WNT7A: variants seen among roughly 807,000 people sequenced by gnomAD.
WNT7A encodes Wnt family member 7A.
In WNT7A, 16 loss-of-function variants were observed where a neutral mutation model predicts 28.2. The observed-to-expected ratio is 0.57, with a 90% CI of 0.38 to 0.86. WNT7A has a LOEUF of 0.86. WNT7A is among the 40% of genes least tolerant of loss of function. The probability of loss-of-function intolerance (pLI) is 0.00; values close to 1 mark genes in which losing one functional copy is unlikely to be tolerated. For missense variants in WNT7A, 411 were observed against 489.7 expected (o/e 0.84, Z 1.52); for synonymous variants, 190 against 195.9 (o/e 0.97, Z 0.25).
chr3:13,853,959 G>T (rs1694683134), intron 3 of WNT7A, among the ~76,000 whole-genome samples: 1 of 152,136 alleles, frequency 6.6e-6, no homozygotes, highest in Non-Finnish European at 1.5e-5. Context: ...GGAGGGAGCA[G>T]CTGGGACCAC....
At chr3:13,838,387 G>A (rs895506817) in intron 3 of WNT7A, among the ~76,000 whole-genome samples, 103 of 152,298 alleles carry the variant, frequency 6.8e-4, no homozygotes, top group African/African-American at 2.4e-3. Context: ...CACGGTGTGC[G>A]GAAGGAACTG....
chr3:13,842,348 G>A (rs1292261904), intron 3 of WNT7A, among the ~76,000 whole-genome samples: 2 of 152,126 alleles, frequency 1.3e-5, no homozygotes, highest in African/African-American at 4.8e-5. Flanking sequence ...GCTACTGCAG[G>A]GAAGAGATAC....
intron 2 of WNT7A, among the ~76,000 whole-genome samples, chr3:13,870,124 A>G (rs1559307859): frequency 1.3e-5 from 2 of 152,056 alleles, no homozygotes; most frequent in Non-Finnish European, 1.5e-5. Flanking sequence ...CTTCTCCCTA[A>G]AGCCTGAACC....
chr3:13,871,260 C>A (rs1203524441), intron 2 of WNT7A, among the ~76,000 whole-genome samples: 3 of 152,230 alleles, frequency 2.0e-5, no homozygotes, highest in African/African-American at 7.2e-5. Context: ...ATTTTTACCC[C>A]TGCAAGACAG....
chr3:13,839,924 G>A (rs1694429689), intron 3 of WNT7A, among the ~76,000 whole-genome samples: 1 of 152,220 alleles, frequency 6.6e-6, no homozygotes, highest in Admixed American at 6.5e-5. Flanking sequence ...GAACCAGCAA[G>A]CAGGGGTGCA....
chr3:13,829,365 C>T (rs1046010853), intron 3 of WNT7A, among the ~76,000 whole-genome samples: 13 of 152,232 alleles, frequency 8.5e-5, no homozygotes, highest in African/African-American at 2.4e-4. Context: ...ATTTGTTCCT[C>T]GTTGTAAAGT....
At chr3:13,867,584 A>G (rs1295358401) in intron 2 of WNT7A, among the ~76,000 whole-genome samples, 1 of 152,166 alleles carries the variant, frequency 6.6e-6, no homozygotes, top group African/African-American at 2.4e-5. Context: ...CTCCTGGTCC[A>G]CACTGATCCT....
At chr3:13,875,723 A>G (rs1160521159) in intron 1 of WNT7A, among the ~76,000 whole-genome samples, 2 of 152,234 alleles carry the variant, frequency 1.3e-5, no homozygotes, top group Non-Finnish European at 2.9e-5. Context: ...TGTTGGAAAA[A>G]AAACTTAAAA....
At chr3:13,832,128 C>T (rs912193401) in intron 3 of WNT7A, among the ~76,000 whole-genome samples, 2 of 151,422 alleles carry the variant, frequency 1.3e-5, no homozygotes, top group Non-Finnish European at 3.0e-5. Context: ...CCTCCTCCCC[C>T]TCTTCCTCCT....
chr3:13,827,496 G>T (rs1694212923), intron 3 of WNT7A, among the ~76,000 whole-genome samples: 2 of 152,186 alleles, frequency 1.3e-5, no homozygotes, highest in African/African-American at 4.8e-5. Context: ...GGGTTCTCAG[G>T]CCTGGGAGGG....
Position 13,819,409 on chromosome 3 carries a change from G to T in WNT7A, c.585C>A (p.Asn195Lys), listed in dbSNP as rs573071103. The change falls in exon 4 of 4, where the codon AAC (asparagine) becomes AAA (lysine). Residue 195 changes from asparagine to lysine, a missense_variant. Coordinates refer to ENST00000285018, the MANE Select transcript of WNT7A (RefSeq NM_004625.4). ...NEAGRKILEE[N>K]MKLECKCHGV... ...CGTGGCACTTACATTCCAGCTTCAT[G>T]TTCTCCTCCAGGATCTGCAGGGGAG... 1 of 1,613,316 alleles carries T rather than the reference G, an allele frequency of 6.2e-7. No individual in the cohort carries two copies. The highest frequency in any genetic ancestry group is 2.2e-5 in the East Asian group (1 of 44,880).
rs1238755980 is a variant in WNT7A, at chr3:13,879,879, G to GGGGCAATCAACATAGCCCGCCC, written c.-85_-64dup. ...GCTGATCCCGCGGGCCGGCCCCGGC[G>GGGGCAATCAACATAGCCCGCCC]GGGCAATCAACATAGCCCGCCCGGG... On this transcript the variant is annotated 5_prime_UTR_variant, in exon 1 of 4. It adds an upstream start codon to the 5' untranslated region. Transcript: ENST00000285018. 1.6e-5 allele frequency: 23 copies of GGGGCAATCAACATAGCCCGCCC among 1,438,790 alleles called. No individual in the cohort carries two copies. Among genetic ancestry groups the GGGGCAATCAACATAGCCCGCCC allele is most frequent in the Non-Finnish European group, 2.1e-5 (23 of 1,083,582 alleles). 89.1% of individuals were successfully genotyped at this position (1,438,790 alleles called of 1,614,324 possible). A position where few individuals can be genotyped will look rare whatever the true frequency, so the allele number is the denominator to read the frequency against.
intron 3 of WNT7A, among the ~76,000 whole-genome samples, chr3:13,847,826 G>T (rs1694565179): frequency 6.6e-6 from 1 of 152,128 alleles, no homozygotes; most frequent in South Asian, 2.1e-4. Context: ...GACATGGGAG[G>T]TGGTTGTTTA....
intron 3 of WNT7A, among the ~76,000 whole-genome samples, chr3:13,832,106 G>A (rs987772323): frequency 9.9e-5 from 15 of 151,072 alleles, no homozygotes; most frequent in Non-Finnish European, 1.6e-4. Flanking sequence ...TGCTCCTGAT[G>A]ATATTCCTCC....
At chr3:13,848,775 A>G (rs1694579451) in intron 3 of WNT7A, among the ~76,000 whole-genome samples, 1 of 151,538 alleles carries the variant, frequency 6.6e-6, no homozygotes, top group Non-Finnish European at 1.5e-5. Flanking sequence ...TCACACACAC[A>G]AAAAAAAAAC....
chr3:13,850,164 C>T (rs1020665709), intron 3 of WNT7A, among the ~76,000 whole-genome samples: 1 of 152,128 alleles, frequency 6.6e-6, no homozygotes, highest in African/African-American at 2.4e-5. Flanking sequence ...GAATGGAGGG[C>T]ACGGCAGACT....
At chr3:13,872,693 C>G (rs1267275527) in intron 2 of WNT7A, among the ~76,000 whole-genome samples, 1 of 152,186 alleles carries the variant, frequency 6.6e-6, no homozygotes, top group Non-Finnish European at 1.5e-5. Context: ...CCTCCTCAGC[C>G]TCTCTTCTAC....
chr3:13,856,890 GAAAAAGAAGAAGAAGAAGAA>G (rs1694742337), intron 2 of WNT7A, among the ~76,000 whole-genome samples: 7 of 69,156 alleles, frequency 1.0e-4, no homozygotes, highest in African/African-American at 5.5e-4. Context: ...GGAAGAAGAA[GAAAAAGAAGAAGAAGAAGAA>G]GAAGAAGAAG....
chr3:13,838,729 C>G (rs1002494675), intron 3 of WNT7A, among the ~76,000 whole-genome samples: 34 of 152,150 alleles, frequency 2.2e-4, no homozygotes, highest in African/African-American at 8.0e-4. Context: ...CTGGGTCTCC[C>G]CAGCTAGTCT....
Sources: gnomAD v4.1 joint callset for allele counts (sites outside exome capture counted in the v4.1 genomes callset) on GRCh38, gnomAD v4.1.1 for gene constraint, MANE v1.5 for transcripts, NCBI Gene and HGNC (gene_info 2026-07-23, HGNC 2026-07-21) for gene names.